NSD1: variants seen among roughly 807,000 people sequenced by gnomAD.
The protein encoded by NSD1 is histone-lysine N-methyltransferase, H3 lysine-36 specific.
Under a neutral mutation model 242.7 loss-of-function variants are expected in NSD1, and 26 were observed. The ratio of observed to expected loss-of-function variants is 0.11; its 90% CI spans 0.08 to 0.15. NSD1 has a LOEUF of 0.15. Among genes scored for constraint, NSD1 ranks in the 10% least tolerant of loss-of-function variants. NSD1 has a pLI of 1.00. For missense variants in NSD1, 2,495 were observed against 3,272.8 expected (o/e 0.76, Z 5.80); for synonymous variants, 1,106 against 1,178.1 (o/e 0.94, Z 1.25).
chr5:177,134,937 T>G lies in NSD1; in HGVS notation c.-17-150T>G. The G allele has an allele frequency of 1.5e-6, 1 of 674,250 alleles. No individual in the cohort carries two copies. The highest frequency in any genetic ancestry group is 2.5e-6 in the Non-Finnish European group (1 of 393,740). The allele number at this position is 674,250 out of a possible 1,614,324, so 41.8% of individuals were successfully genotyped here. On this transcript the variant is annotated intron_variant, in intron 1 of 22. Transcript: ENST00000439151. The surrounding 1 kb of genome is among the most constrained non-coding windows in gnomAD (Gnocchi z 4.2). ...TTTTCAGAGGCTCATCGAGGCCATT[T>G]TTTCATCTCCAGTCGGGGGAACTTT...
intron 14 of NSD1, among the ~76,000 whole-genome samples, chr5:177,262,229 TTTG>T (rs749938818): frequency 2.6e-5 from 4 of 152,218 alleles, no homozygotes; most frequent in Non-Finnish European, 5.9e-5. Context: ...AAAAATTATC[TTTG>T]TTATTACCCA....
At chr5:177,209,377 A>C (rs1213720436) in intron 4 of NSD1, among the ~76,000 whole-genome samples, 1 of 151,650 alleles carries the variant, frequency 6.6e-6, no homozygotes, top group Non-Finnish European at 1.5e-5. Context: ...AAAATACAAA[A>C]AATTAGCTGG....
At chr5:177,290,464 A>G (rs1759731815) in intron 21 of NSD1, among the ~76,000 whole-genome samples, 2 of 150,848 alleles carry the variant, frequency 1.3e-5, no homozygotes, top group South Asian at 2.1e-4. Context: ...CTGAAGTGCA[A>G]TGGTATGATC....
chr5:177,231,954 T>C (rs898681070), intron 5 of NSD1, among the ~76,000 whole-genome samples: 9 of 152,158 alleles, frequency 5.9e-5, no homozygotes, highest in Non-Finnish European at 8.8e-5. Context: ...GGCTTGAGTG[T>C]GGTGGCACTG....
intron 18 of NSD1, among the ~76,000 whole-genome samples, chr5:177,281,533 A>C (rs1268179026): frequency 6.6e-6 from 1 of 152,200 alleles, no homozygotes; most frequent in Non-Finnish European, 1.5e-5. Context: ...CTTTCATAAA[A>C]TTTACATTTC....
intron 2 of NSD1, among the ~76,000 whole-genome samples, chr5:177,181,993 A>T (rs1581225971): frequency 6.6e-6 from 1 of 152,012 alleles, no homozygotes; most frequent in Non-Finnish European, 1.5e-5. Context: ...TCTACTAAAA[A>T]TACAAAAAAT....
At chr5:177,290,535 G>A (rs1183789785) in intron 21 of NSD1, among the ~76,000 whole-genome samples, 1 of 151,696 alleles carries the variant, frequency 6.6e-6, no homozygotes, top group African/African-American at 2.4e-5. Flanking sequence ...AGCCTCCCAG[G>A]TAGCTGGGAT....
At position 177,238,541 on chromosome 5, in the gene NSD1, G is replaced by C. The variant is rs1220736253; in HGVS notation, c.4192+34G>C. ...GGGTTGGGGTCTCAGTATTTGAGCA[G>C]ATATGATTAGAGGAAGCAGGAGATT... On this transcript the variant is annotated intron_variant, in intron 7 of 22. Coordinates refer to ENST00000439151, the MANE Select transcript of NSD1 (RefSeq NM_022455.5). This position sits in a 1 kb window ranked among gnomAD's most constrained non-coding sequence, Gnocchi z 4.6. 4.4e-6 allele frequency: 7 copies of C among 1,605,684 alleles called. No individual in the cohort carries two copies. The highest frequency in any genetic ancestry group is 5.9e-6 in the Non-Finnish European group (7 of 1,178,538).
chr5:177,140,469 C>CT (rs976749030), intron 2 of NSD1, among the ~76,000 whole-genome samples: 10 of 152,022 alleles, frequency 6.6e-5, no homozygotes, highest in Admixed American at 2.6e-4. Flanking sequence ...GTTTGGAAGA[C>CT]TTTGAGTAGA....
chr5:177,264,815 G>A, intron 14 of NSD1: 2 of 752,964 alleles, frequency 2.7e-6, no homozygotes, highest in Admixed American at 1.7e-5. Flanking sequence ...ATGTTCTGTA[G>A]GCCTTTTAGA....
intron 5 of NSD1, among the ~76,000 whole-genome samples, chr5:177,217,946 C>T (rs1763915970): frequency 6.6e-6 from 1 of 151,710 alleles, no homozygotes; most frequent in Non-Finnish European, 1.5e-5. Context: ...GACAGGGTCA[C>T]ATTCTGTCAC....
At chr5:177,235,656 T>A (rs1765386233) in intron 5 of NSD1, among the ~76,000 whole-genome samples, 165 bp from the exon 6 acceptor site, 1 of 152,194 alleles carries the variant, frequency 6.6e-6, no homozygotes, top group South Asian at 2.1e-4. Flanking sequence ...CTTTTGCATA[T>A]GAGAAAACAT....
chr5:177,148,911 C>G (rs959659902), intron 2 of NSD1, among the ~76,000 whole-genome samples: 1 of 152,112 alleles, frequency 6.6e-6, no homozygotes, highest in East Asian at 1.9e-4. Context: ...CTCTGCTTCC[C>G]GGCTTCAAGT....
At chr5:177,249,852 T>C (rs984865480) in intron 11 of NSD1, among the ~76,000 whole-genome samples, 2 of 152,162 alleles carry the variant, frequency 1.3e-5, no homozygotes, top group African/African-American at 4.8e-5. Flanking sequence ...TTTGTGAGGC[T>C]GAGGTGGGTG....
chr5:177,223,781 T>C (rs976718624), intron 5 of NSD1, among the ~76,000 whole-genome samples: 2 of 152,068 alleles, frequency 1.3e-5, no homozygotes, highest in African/African-American at 4.8e-5. Context: ...TCAGGAGTTC[T>C]AGACCATCGT....
intron 16 of NSD1, among the ~76,000 whole-genome samples, chr5:177,273,269 G>A (rs1758087031): frequency 7.7e-6 from 1 of 129,604 alleles, no homozygotes; most frequent in Non-Finnish European, 1.6e-5. Flanking sequence ...AATTGTCTTG[G>A]ACCAAACATA....
At chr5:177,265,043 C>G in intron 14 of NSD1, 1 of 760,556 alleles carries the variant, frequency 1.3e-6, no homozygotes. Context: ...GCATATTGAG[C>G]ACATTAAGCA....
intron 2 of NSD1, among the ~76,000 whole-genome samples, chr5:177,182,494 G>A (rs1032355376): frequency 5.3e-5 from 8 of 152,016 alleles, no homozygotes; most frequent in South Asian, 2.1e-4. Flanking sequence ...TGATAAAACC[G>A]TAGCTTGCTG....
intron 3 of NSD1, among the ~76,000 whole-genome samples, chr5:177,201,044 C>T (rs943477478): frequency 1.3e-5 from 2 of 151,634 alleles, no homozygotes; most frequent in African/African-American, 4.9e-5. Context: ...ACCACCACAC[C>T]TGGCATTAAT....
Sources: allele counts gnomAD v4.1 joint callset (sites outside exome capture counted in the v4.1 genomes callset), GRCh38; gene constraint gnomAD v4.1.1; non-coding constraint Gnocchi (gnomAD v3.1); transcripts MANE v1.5; gene names NCBI Gene and HGNC (gene_info 2026-07-23, HGNC 2026-07-21).